Variants in TXNDC16 observed in about 807,000 individuals in gnomAD.
The protein encoded by TXNDC16 is thioredoxin domain containing 16.
TXNDC16 carries 74 observed loss-of-function variants against 85.6 expected under a neutral mutation model. That is an observed-to-expected ratio of 0.86 (90% confidence interval 0.72 to 1.05). TXNDC16 has a LOEUF of 1.05. TXNDC16 is among the 50% of genes least tolerant of loss of function. TXNDC16 has a pLI of 0.00. For missense variants in TXNDC16, 959 were observed against 947.0 expected, an observed-to-expected ratio of 1.01 and a Z score of -0.17; for synonymous variants, 335 against 326.5, an observed-to-expected ratio of 1.03 and a Z score of -0.28.
intron 4 of TXNDC16, among the ~76,000 whole-genome samples, chr14:52,538,275 A>T (rs768590577): frequency 2.0e-5 from 3 of 152,334 alleles, no homozygotes; most frequent in Admixed American, 2.0e-4. Flanking sequence ...ACCAACAGCA[A>T]TCACGGACCA....
rs2038076285 is a variant in TXNDC16, at chr14:52,552,385, C to G, written c.-251G>C. 1 of 152,410 alleles carries G rather than the reference C, an allele frequency of 6.6e-6. No homozygotes were observed. The highest frequency in any genetic ancestry group is 2.4e-5 in the African/African-American group (1 of 41,458). The allele number at this position is 152,410 out of a possible 1,614,324, so 9.4% of individuals were successfully genotyped here. Reference sequence around the variant, plus strand: ...GCGCGGCCAACAGTTCCCGCCGCCACGCGACGGAGGAGGAGGCAGAAGACG... The same window carrying G: ...GCGCGGCCAACAGTTCCCGCCGCCAGGCGACGGAGGAGGAGGCAGAAGACG... On this transcript the variant is annotated 5_prime_UTR_variant, in exon 1 of 21. Coordinates refer to ENST00000281741, the MANE Select transcript of TXNDC16 (RefSeq NM_020784.3).
intron 18 of TXNDC16, among the ~76,000 whole-genome samples, chr14:52,452,609 C>T (rs1203115444): frequency 6.6e-6 from 1 of 152,128 alleles, no homozygotes; most frequent in Non-Finnish European, 1.5e-5. Context: ...ATAAATGGTG[C>T]TGGGAAAATT....
chr14:52,543,326 C>A, intron 3 of TXNDC16, 72 bp downstream of exon 3: 1 of 1,472,972 alleles, frequency 6.8e-7, no homozygotes, highest in South Asian at 1.3e-5. Flanking sequence ...ACAGAAATTT[C>A]CCACTGAACT....
In TXNDC16 at chr14:52,432,376, T is replaced by G. The variant is rs2034920631; in HGVS notation, c.2406A>C (p.Arg802Ser). 1.2e-6 allele frequency: 2 copies of G among 1,613,988 alleles called. No homozygotes were observed. Among genetic ancestry groups the G allele is most frequent in the Non-Finnish European group, 1.7e-6 (2 of 1,179,950 alleles). The change falls in exon 21 of 21, where the codon AGA becomes AGC. Residue 802 changes from arginine (R) to serine (S), a missense_variant. Coordinates refer to ENST00000281741, the MANE Select transcript of TXNDC16 (RefSeq NM_020784.3). ...IETLRIKHWN[R>S]SNWFKEAEKS... ...TTTCTGCTTCTTTAAACCAATTACTTCTATTCCAATGCTTTATTCTCAGAG... is the reference window on the plus strand; with the variant it reads ...TTTCTGCTTCTTTAAACCAATTACTGCTATTCCAATGCTTTATTCTCAGAG...
intron 20 of TXNDC16, among the ~76,000 whole-genome samples, chr14:52,434,095 G>A (rs1033033131): frequency 3.9e-5 from 6 of 152,130 alleles, no homozygotes; most frequent in Admixed American, 2.0e-4. Flanking sequence ...AGGTTGAGGC[G>A]GAAGGTACAC....
intron 20 of TXNDC16, among the ~76,000 whole-genome samples, chr14:52,438,207 A>G (rs565269835): frequency 6.6e-6 from 1 of 152,360 alleles, no homozygotes; most frequent in East Asian, 1.9e-4. Flanking sequence ...CTTAGTTGAT[A>G]AAGCAGCAGC....
intron 4 of TXNDC16, 36 bp downstream of exon 4, chr14:52,542,335 G>A (rs775962193): frequency 1.8e-5 from 25 of 1,380,662 alleles, no homozygotes; most frequent in East Asian, 4.6e-5. Flanking sequence ...TAAGATGTTC[G>A]TCACTAATAT....
chr14:52,450,866 T>C (rs1566533888), intron 18 of TXNDC16, among the ~76,000 whole-genome samples: 1 of 43,458 alleles, frequency 2.3e-5, no homozygotes, highest in South Asian at 8.3e-4. Context: ...TATATATATA[T>C]ATATATATAT....
chr14:52,530,480 TATAA>T (rs2037523449), intron 6 of TXNDC16, among the ~76,000 whole-genome samples: 1 of 20,436 alleles, frequency 4.9e-5, no homozygotes, highest in Non-Finnish European at 8.1e-5. Flanking sequence ...TATTATTATA[TATAA>T]TATTATATAT....
chr14:52,433,661 A>G (rs1462250753), intron 20 of TXNDC16, among the ~76,000 whole-genome samples: 1 of 152,208 alleles, frequency 6.6e-6, no homozygotes. Context: ...ATTGATATAT[A>G]ATTTCTTCAC....
Position 52,432,570 on chromosome 14 carries a change from C to A in TXNDC16, c.2212G>T (p.Glu738Ter). Residue 738 changes from glutamate (E) to a stop codon, truncating the protein, a stop_gained, in exon 21 of 21, where the codon GAA becomes TAA. Transcript: ENST00000281741. LOFTEE classifies it low-confidence loss of function (END_TRUNC). ...TAAGCTGGAAGAGGAGGTTTCCATT[C>A]TTGAGCAGGTAAAATTGCTGGAAGG... ...ENHITILPAQ[E>*]WKPPLPAYDF... 6.2e-7 allele frequency: 1 copy of A among 1,606,274 alleles called. No individual in the cohort carries two copies. The highest frequency in any genetic ancestry group is 8.5e-7 in the Non-Finnish European group (1 of 1,176,934).
At chr14:52,441,196 A>T (rs1014304890) in intron 18 of TXNDC16, among the ~76,000 whole-genome samples, 2 of 152,240 alleles carry the variant, frequency 1.3e-5, no homozygotes, top group Admixed American at 6.5e-5. Flanking sequence ...TAATTAAAAT[A>T]ACCAAAAATA....
chr14:52,449,665 T>C (rs1176600203), intron 18 of TXNDC16, among the ~76,000 whole-genome samples: 2 of 152,112 alleles, frequency 1.3e-5, no homozygotes, highest in Non-Finnish European at 2.9e-5. Flanking sequence ...CCTGAGCATA[T>C]GGATCATTGT....
At chr14:52,481,072 C>T (rs368695804) in intron 14 of TXNDC16, among the ~76,000 whole-genome samples, 79 of 150,370 alleles carry the variant, frequency 5.3e-4, no homozygotes, top group African/African-American at 1.8e-3. Context: ...AGACTGGAGA[C>T]TATTATTCTA....
intron 18 of TXNDC16, among the ~76,000 whole-genome samples, chr14:52,441,676 T>C (rs1256921977): frequency 2.0e-5 from 3 of 152,000 alleles, no homozygotes; most frequent in Non-Finnish European, 2.9e-5. Context: ...AATTCGCCCA[T>C]GCTATGCACA....
intron 18 of TXNDC16, among the ~76,000 whole-genome samples, chr14:52,442,786 C>T (rs2035196641): frequency 6.6e-6 from 1 of 152,106 alleles, no homozygotes; most frequent in South Asian, 2.1e-4. Flanking sequence ...GACAGAGTCA[C>T]CACAGCTCAA....
At chr14:52,504,394 G>A (rs1315495574) in intron 9 of TXNDC16, among the ~76,000 whole-genome samples, 1 of 152,234 alleles carries the variant, frequency 6.6e-6, no homozygotes, top group African/African-American at 2.4e-5. Context: ...CTACAAGCCA[G>A]AAGAGAGTGG....
At chr14:52,488,162 T>C (rs1273962619) in intron 12 of TXNDC16, among the ~76,000 whole-genome samples, 2 of 152,226 alleles carry the variant, frequency 1.3e-5, no homozygotes, top group African/African-American at 4.8e-5. Flanking sequence ...TAAATGTTAA[T>C]ACATTAAACA....
At chr14:52,478,315 A>C (rs1293200230) in intron 14 of TXNDC16, among the ~76,000 whole-genome samples, 1 of 152,178 alleles carries the variant, frequency 6.6e-6, no homozygotes, top group African/African-American at 2.4e-5. Context: ...AGAAGAAAGG[A>C]AGTAACCAAG....
Sources: gnomAD v4.1 joint callset for allele counts (sites outside exome capture counted in the v4.1 genomes callset) on GRCh38, gnomAD v4.1.1 for gene constraint, MANE v1.5 for transcripts, NCBI Gene and HGNC (gene_info 2026-07-23, HGNC 2026-07-21) for gene names.